PLCB1: variants seen among roughly 807,000 people sequenced by gnomAD.
PLCB1 encodes 1-phosphatidylinositol 4,5-bisphosphate phosphodiesterase beta-1.
In PLCB1, 46 loss-of-function variants were observed where a neutral mutation model predicts 161.8. The ratio of observed to expected loss-of-function variants is 0.28; its 90% CI spans 0.22 to 0.36. PLCB1 has a LOEUF of 0.36. PLCB1 is among the 10% of genes least tolerant of loss of function. PLCB1 has a pLI of 1.00. For missense variants in PLCB1, 1,016 were observed against 1,472.5 expected, an observed-to-expected ratio of 0.69 and a Z score of 5.07; for synonymous variants, 517 against 503.7, an observed-to-expected ratio of 1.03 and a Z score of -0.35.
intron 25 of PLCB1, among the ~76,000 whole-genome samples, chr20:8,761,894 C>T (rs894156774): frequency 6.6e-6 from 1 of 150,612 alleles, no homozygotes; most frequent in African/African-American, 2.4e-5. Context: ...GTGCCCCTCC[C>T]AACAAAACAT....
At chr20:8,762,438 G>A (rs6118313) in intron 25 of PLCB1, among the ~76,000 whole-genome samples, 1 of 152,100 alleles carries the variant, frequency 6.6e-6, no homozygotes. Context: ...CATAGTCTAA[G>A]GAACAGCCTC....
chr20:8,437,159 A>G (rs1980350496), intron 3 of PLCB1, among the ~76,000 whole-genome samples: 1 of 152,162 alleles, frequency 6.6e-6, no homozygotes, highest in Non-Finnish European at 1.5e-5. Flanking sequence ...AGCCAGGAGT[A>G]AAATAAGCCT....
chr20:8,296,322 G>A (rs2745755), intron 2 of PLCB1, among the ~76,000 whole-genome samples: 74,908 of 151,978 alleles, frequency 0.49, 20,696 homozygotes, highest in African/African-American at 0.75. Context: ...CCCATCACCC[G>A]TCAGTGTTCT....
intron 2 of PLCB1, among the ~76,000 whole-genome samples, chr20:8,319,308 C>A (rs888194267): frequency 3.3e-5 from 5 of 152,206 alleles, no homozygotes; most frequent in African/African-American, 1.2e-4. Flanking sequence ...ATCACCTGGG[C>A]AATTCTGGTC....
chr20:8,254,811 T>G (rs1981328112), intron 2 of PLCB1, among the ~76,000 whole-genome samples: 1 of 152,080 alleles, frequency 6.6e-6, no homozygotes, highest in East Asian at 1.9e-4. Context: ...GTCATATGTC[T>G]TAGTTGCTGA....
At chr20:8,181,740 T>A (rs1260497037) in intron 2 of PLCB1, among the ~76,000 whole-genome samples, 3 of 152,074 alleles carry the variant, frequency 2.0e-5, no homozygotes, top group African/African-American at 7.2e-5. Flanking sequence ...TTTGGGAGGC[T>A]AAGGCAGGAG....
intron 2 of PLCB1, among the ~76,000 whole-genome samples, chr20:8,352,237 G>C (rs772092113): frequency 6.6e-6 from 1 of 152,072 alleles, no homozygotes; most frequent in South Asian, 2.1e-4. Flanking sequence ...GTCTGAAAAG[G>C]CTGCATCTTG....
chr20:8,483,823 G>A (rs529608776), intron 3 of PLCB1, among the ~76,000 whole-genome samples: 6 of 152,166 alleles, frequency 3.9e-5, no homozygotes, highest in Middle Eastern at 3.4e-3. Context: ...ATAATGGATC[G>A]AAGACAATGG....
chr20:8,458,130 T>A (rs1288057460), intron 3 of PLCB1, among the ~76,000 whole-genome samples: 1 of 152,126 alleles, frequency 6.6e-6, no homozygotes, highest in Non-Finnish European at 1.5e-5. Context: ...GGGAAGCAGA[T>A]CTTGCTTCCT....
chr20:8,566,455 T>C (rs567703437), intron 3 of PLCB1, among the ~76,000 whole-genome samples: 3 of 152,252 alleles, frequency 2.0e-5, no homozygotes, highest in Admixed American at 6.5e-5. Context: ...TCCTGTGGAA[T>C]GTAAAAAACA....
chr20:8,289,141 T>C (rs948043878), intron 2 of PLCB1, among the ~76,000 whole-genome samples: 2 of 152,234 alleles, frequency 1.3e-5, no homozygotes, highest in Non-Finnish European at 2.9e-5. Context: ...CTCCAGCTTC[T>C]GCATGCTTCA....
intron 3 of PLCB1, among the ~76,000 whole-genome samples, chr20:8,415,047 A>G (rs1979210136): frequency 6.6e-6 from 1 of 152,208 alleles, no homozygotes; most frequent in Non-Finnish European, 1.5e-5. Context: ...AGAATTCTTT[A>G]TTGTTATCAT....
chr20:8,647,818 C>T (rs553977539), intron 5 of PLCB1, 82 bp from the exon 6 acceptor site: 1 of 1,072,270 alleles, frequency 9.3e-7, no homozygotes, highest in East Asian at 2.4e-5. Context: ...AAGGCATGGG[C>T]TTTTTTGAGT....
chr20:8,133,492 C>G (rs1175390495), intron 1 of PLCB1, among the ~76,000 whole-genome samples: 2 of 152,098 alleles, frequency 1.3e-5, no homozygotes, highest in Non-Finnish European at 1.5e-5. Flanking sequence ...GTTTGCCCCA[C>G]GATTTACCTG....
chr20:8,458,158 G>A (rs1303531875), intron 3 of PLCB1, among the ~76,000 whole-genome samples: 1 of 152,152 alleles, frequency 6.6e-6, no homozygotes, highest in Non-Finnish European at 1.5e-5. Context: ...ATTCTGAGTT[G>A]AAAGGAGGGA....
intron 2 of PLCB1, among the ~76,000 whole-genome samples, chr20:8,212,778 G>A (rs1978901252): frequency 6.6e-6 from 1 of 152,038 alleles, no homozygotes; most frequent in African/African-American, 2.4e-5. Flanking sequence ...TGAAGTTCCA[G>A]TTGCACTCCA....
chr20:8,524,694 C>G (rs1984510976), intron 3 of PLCB1, among the ~76,000 whole-genome samples: 1 of 152,128 alleles, frequency 6.6e-6, no homozygotes, highest in South Asian at 2.1e-4. Flanking sequence ...TGATGCAAGA[C>G]CTTGGGATCC....
At chr20:8,464,480 T>G (rs1981723777) in intron 3 of PLCB1, among the ~76,000 whole-genome samples, 1 of 152,158 alleles carries the variant, frequency 6.6e-6, no homozygotes, top group African/African-American at 2.4e-5. Flanking sequence ...CTAAATCACT[T>G]TTTCATAACT....
intron 20 of PLCB1, among the ~76,000 whole-genome samples, chr20:8,737,657 T>G (rs184551789): frequency 6.6e-6 from 1 of 152,198 alleles, no homozygotes; most frequent in African/African-American, 2.4e-5. Flanking sequence ...AGTTGAAACC[T>G]TTCACACTCA....
Sources: gnomAD v4.1 joint callset for allele counts (sites outside exome capture counted in the v4.1 genomes callset) on GRCh38, gnomAD v4.1.1 for gene constraint, MANE v1.5 for transcripts, NCBI Gene and HGNC (gene_info 2026-07-23, HGNC 2026-07-21) for gene names.